BCOR: variants seen among roughly 807,000 people sequenced by gnomAD.
The protein encoded by BCOR is BCL6 corepressor.
A neutral mutation model predicts 86.7 loss-of-function variants in BCOR; 10 were observed. The observed-to-expected ratio is 0.12, with a 90% CI of 0.07 to 0.20. The LOEUF (loss-of-function observed/expected upper bound fraction) is 0.20. Ranked by LOEUF, BCOR falls within the 10% of genes least tolerant of loss-of-function variation. BCOR has a pLI of 1.00. For synonymous variants in BCOR, 611 were observed against 609.0 expected, an observed-to-expected ratio of 1.00 and a Z score of -0.05; for missense variants, 1,259 against 1,452.1, an observed-to-expected ratio of 0.87 and a Z score of 2.16.
chrX:40,174,810 G>C (rs1235160297), intron 1 of BCOR, among the ~76,000 whole-genome samples: 1 of 113,116 alleles, frequency 8.8e-6, no homozygotes, highest in African/African-American at 3.2e-5. Context: ...TAGGCAAAGA[G>C]CAAGTTTCCT....
At chrX:40,138,986 C>T (rs975797432) in intron 1 of BCOR, among the ~76,000 whole-genome samples, 1 of 110,458 alleles carries the variant, frequency 9.1e-6, no homozygotes, top group Non-Finnish European at 1.9e-5. Flanking sequence ...GGTCACACAG[C>T]TGGTCAAGTT....
At chrX:40,086,122 C>T (rs1464660020) in intron 1 of BCOR, among the ~76,000 whole-genome samples, 2 of 110,636 alleles carry the variant, frequency 1.8e-5, no homozygotes, top group Non-Finnish European at 3.8e-5. Flanking sequence ...TCTGTCCTCC[C>T]TTCCCCCCAA....
intron 1 of BCOR, among the ~76,000 whole-genome samples, chrX:40,133,147 T>C (rs1462795450): frequency 1.9e-5 from 2 of 105,564 alleles, no homozygotes; most frequent in African/African-American, 6.9e-5. Context: ...TTCTTTTTTT[T>C]TTTTTTTTGA....
At chrX:40,076,564 G>C in intron 2 of BCOR, 32 bp from the exon 3 acceptor site, 1 of 1,062,137 alleles carries the variant, frequency 9.4e-7, no homozygotes. Flanking sequence ...CTTCATGAAA[G>C]CATTCCTCAC....
At chrX:40,054,369 T>A (rs746154364) in intron 12 of BCOR, 36 bp from the exon 13 acceptor site, 7 of 1,097,683 alleles carry the variant, frequency 6.4e-6, no homozygotes, top group Non-Finnish European at 8.7e-6. Flanking sequence ...CAAGATAAAA[T>A]CTACTGCTGA....
chrX:40,124,623 A>AG (rs1462042317), intron 1 of BCOR, among the ~76,000 whole-genome samples: 4 of 102,063 alleles, frequency 3.9e-5, no homozygotes, highest in East Asian at 3.2e-4. Context: ...TCTTTTTGAG[A>AG]GGGGGGTCTC....
At chrX:40,106,507 A>G (rs1461855038) in intron 1 of BCOR, among the ~76,000 whole-genome samples, 3 of 110,243 alleles carry the variant, frequency 2.7e-5, no homozygotes, top group African/African-American at 6.6e-5. Context: ...GGCGGGTGAC[A>G]CGGAAACATG....
At position 40,052,344 on chromosome X, in the gene BCOR, C is replaced by T. The variant is rs761983121; in HGVS notation, c.5033G>A (p.Arg1678His). 9.9e-6 allele frequency: 12 copies of T among 1,209,621 alleles called. No individual in the cohort carries two copies. The highest frequency in any genetic ancestry group is 1.8e-5 in the South Asian group (1 of 56,832). ...DVLKKLKMSSRIFRCNFPNVE... is the reference protein window; with the variant it reads ...DVLKKLKMSSHIFRCNFPNVE... ...GTTTGGAAAATTGCAGCGAAATATGCGGGAGGACATTTTCAATTTCTTAAG... is the reference window on the plus strand; with the variant it reads ...GTTTGGAAAATTGCAGCGAAATATGTGGGAGGACATTTTCAATTTCTTAAG... Residue 1678 changes from arginine to histidine, a missense_variant, in exon 15 of 15, where the codon CGC becomes CAC. Coordinates refer to ENST00000378444, the MANE Select transcript of BCOR (RefSeq NM_001123385.2).
intron 1 of BCOR, among the ~76,000 whole-genome samples, chrX:40,133,938 C>T (rs1937633696): frequency 9.0e-6 from 1 of 110,749 alleles, no homozygotes. Flanking sequence ...GGAGATAAGG[C>T]GTAAAGTCAT....
chrX:40,056,338 G>T (rs190361060), intron 11 of BCOR, among the ~76,000 whole-genome samples: 55 of 99,114 alleles, frequency 5.5e-4, no homozygotes, highest in Non-Finnish European at 9.7e-4. Flanking sequence ...GATGCAAAGA[G>T]ATTAGCAGAG....
chrX:40,123,360 C>CTT (rs35144455), intron 1 of BCOR, among the ~76,000 whole-genome samples: 70 of 102,353 alleles, frequency 6.8e-4, no homozygotes, highest in African/African-American at 2.4e-3. Context: ...CTTAAGCACA[C>CTT]TTTTTTTTTT....
intron 1 of BCOR, among the ~76,000 whole-genome samples, chrX:40,113,752 T>C (rs1937349486): frequency 9.1e-6 from 1 of 110,233 alleles, no homozygotes; most frequent in Non-Finnish European, 1.9e-5. Context: ...TCACCACATA[T>C]TGATGAAAAA....
chrX:40,167,446 G>A (rs1374951032), intron 1 of BCOR, among the ~76,000 whole-genome samples: 3 of 112,661 alleles, frequency 2.7e-5, no homozygotes, highest in Non-Finnish European at 3.8e-5. Context: ...TCTGGGGAGG[G>A]GAGGATCGGA....
intron 1 of BCOR, among the ~76,000 whole-genome samples, chrX:40,093,979 G>A (rs1721243859): frequency 9.1e-6 from 1 of 110,492 alleles, no homozygotes; most frequent in South Asian, 3.9e-4. Context: ...TGGAAGAATC[G>A]AGCCCGATGC....
intron 1 of BCOR, among the ~76,000 whole-genome samples, chrX:40,155,634 G>A (rs1938274774): frequency 8.9e-6 from 1 of 112,047 alleles, no homozygotes; most frequent in African/African-American, 3.2e-5. Context: ...CTGGAAGTAG[G>A]GAGGGGGTGT....
intron 6 of BCOR, 67 bp from the exon 7 acceptor site, chrX:40,064,666 G>T: frequency 1.8e-6 from 2 of 1,133,998 alleles, no homozygotes; most frequent in South Asian, 3.8e-5. Flanking sequence ...CAGGATCTGG[G>T]GAGTGCGTGG....
intron 1 of BCOR, among the ~76,000 whole-genome samples, chrX:40,103,557 A>G (rs1294623158): frequency 9.0e-6 from 1 of 111,202 alleles, no homozygotes; most frequent in Non-Finnish European, 1.9e-5. Context: ...TCTTAAAATA[A>G]TAATTTAAAA....
chrX:40,112,167 C>T (rs1415405668), intron 1 of BCOR, among the ~76,000 whole-genome samples: 1 of 111,590 alleles, frequency 9.0e-6, no homozygotes, highest in Non-Finnish European at 1.9e-5. Context: ...AGCTGAGAAC[C>T]GCTTTCAATT....
chrX:40,099,323 G>T (rs1379817789), upstream of BCOR, among the ~76,000 whole-genome samples: 1 of 111,848 alleles, frequency 8.9e-6, no homozygotes. Context: ...TGGTGAAGCT[G>T]GCGGGAAGGG....
Sources: allele counts gnomAD v4.1 joint callset (sites outside exome capture counted in the v4.1 genomes callset), GRCh38; gene constraint gnomAD v4.1.1; transcripts MANE v1.5; gene names NCBI Gene and HGNC (gene_info 2026-07-23, HGNC 2026-07-21).